The following SAMD3 variants were observed in gnomAD, a reference collection of about 807,000 sequenced individuals.
SAMD3 encodes the protein sterile alpha motif domain-containing protein 3.
In SAMD3, 63 loss-of-function variants were observed where a neutral mutation model predicts 58.5. That is an observed-to-expected ratio of 1.08 (90% CI 0.88 to 1.33). The LOEUF is 1.33. SAMD3 is among the 40% of genes most tolerant of loss of function. The pLI is 0.00. For missense variants in SAMD3, 604 were observed against 608.4 expected, an observed-to-expected ratio of 0.99 and a Z score of 0.08; for synonymous variants, 220 against 210.3, an observed-to-expected ratio of 1.05 and a Z score of -0.40.
upstream of SAMD3, among the ~76,000 whole-genome samples, chr6:130,225,953 G>A (rs1458624645): frequency 7.2e-5 from 11 of 152,188 alleles, no homozygotes; most frequent in Non-Finnish European, 2.9e-5. Flanking sequence ...ATTGTCTTCT[G>A]ATCACATCAC....
chr6:130,148,827 C>A (rs1788871131), intron 9 of SAMD3, among the ~76,000 whole-genome samples: 1 of 146,526 alleles, frequency 6.8e-6, no homozygotes, highest in Non-Finnish European at 1.5e-5. Context: ...GAGCCATGAT[C>A]ATGACACTCC....
intron 1 of SAMD3, among the ~76,000 whole-genome samples, chr6:130,354,047 A>G (rs1355932907): frequency 6.6e-6 from 1 of 152,254 alleles, no homozygotes; most frequent in African/African-American, 2.4e-5. Flanking sequence ...GAAGACATAC[A>G]TGCAGCCAAC....
At chr6:130,201,194 A>C (rs746156250) in intron 5 of SAMD3, among the ~76,000 whole-genome samples, 29 of 152,116 alleles carry the variant, frequency 1.9e-4, no homozygotes, top group Non-Finnish European at 3.2e-4. Flanking sequence ...TCTCCAATCC[A>C]TTCTCTACAT....
chr6:130,159,990 G>A (rs1409631037), intron 8 of SAMD3: 2 of 152,126 alleles, frequency 1.3e-5, no homozygotes, highest in South Asian at 2.1e-4. Flanking sequence ...ATGGGGGTGG[G>A]GTGAGTGGAA....
At chr6:130,328,018 G>T (rs1393185992) in intron 1 of SAMD3, among the ~76,000 whole-genome samples, 1 of 152,166 alleles carries the variant, frequency 6.6e-6, no homozygotes, top group African/African-American at 2.4e-5. Context: ...TAACTCTCTA[G>T]ATATGGTCCA....
intron 1 of SAMD3, among the ~76,000 whole-genome samples, chr6:130,362,228 A>AC (rs1778009340): frequency 6.6e-6 from 1 of 152,252 alleles, no homozygotes; most frequent in Non-Finnish European, 1.5e-5. Flanking sequence ...TCACTTGAGT[A>AC]TGTTGCTGAG....
At chr6:130,342,849 A>G (rs1777315060) in intron 1 of SAMD3, among the ~76,000 whole-genome samples, 1 of 152,156 alleles carries the variant, frequency 6.6e-6, no homozygotes, top group Non-Finnish European at 1.5e-5. Flanking sequence ...TTATCTACAG[A>G]GTGTTAAAGG....
chr6:130,296,057 C>T lies in SAMD3; in HGVS notation c.-188+16921G>A, dbSNP rs12209437. ...CTTCCTCTTCATTTCCTGAGGCCTC[C>T]TCAATTCTTGATGCAAATCAGTATC... On this transcript the variant is annotated intron_variant, in intron 2 of 13. Coordinates refer to the SAMD3 transcript ENST00000368134. Among the ~76,000 whole-genome samples, 1,097 of 152,292 alleles carry T rather than the reference C, an allele frequency of 7.2e-3. 13 individuals carry two copies. The highest frequency in any genetic ancestry group is 0.011 in the Non-Finnish European group (717 of 68,022).
At chr6:130,221,020 AT>A (rs746725293) in intron 1 of SAMD3, among the ~76,000 whole-genome samples, 155 of 151,682 alleles carry the variant, frequency 1.0e-3, no homozygotes, top group Non-Finnish European at 2.0e-3. Flanking sequence ...CGCCCAGCTA[AT>A]TTTTTTGTGT....
chr6:130,310,215 C>T lies in SAMD3; in HGVS notation c.-188+2763G>A, dbSNP rs550491855. On this transcript the variant is annotated intron_variant, in intron 2 of 13. Transcript: ENST00000368134. ...TTCAAAGAATGCAAAATATCATCAC[C>T]GTAATTGCTTCTGTATCTTTATGAA... 2.6e-5 allele frequency among the ~76,000 whole-genome samples: 4 copies of T among 152,242 alleles called. No homozygotes were observed. In the South Asian group the frequency reaches 8.3e-4, roughly 32 times the overall value.
At chr6:130,365,604 G>A (rs895616185), upstream of SAMD3, 32 of 985,352 alleles carry the variant, frequency 3.2e-5, no homozygotes, top group Non-Finnish European at 1.3e-5. Flanking sequence ...AGAACTGGGG[G>A]AGCCGGGTCC....
At chr6:130,345,462 T>C (rs996355586) in intron 1 of SAMD3, among the ~76,000 whole-genome samples, 1 of 152,096 alleles carries the variant, frequency 6.6e-6, no homozygotes, top group South Asian at 2.1e-4. Context: ...AGAAGCTGTG[T>C]TAATCTAGAT....
intron 2 of SAMD3, among the ~76,000 whole-genome samples, chr6:130,274,477 G>A (rs1017205592): frequency 3.3e-5 from 5 of 152,106 alleles, no homozygotes; most frequent in East Asian, 3.8e-4. Context: ...GTGAGTCTGG[G>A]GTATACAGCT....
Position 130,194,992 on chromosome 6 carries a change from G to A in SAMD3, c.384-10369C>T, listed in dbSNP as rs547325467. ...CTCCATAACTGTTGTGGGTATTGGC[G>A]GCCAGGCTTCTAAACCTCTTAAAAC... On this transcript the variant is annotated intron_variant, in intron 5 of 11. Coordinates refer to ENST00000439090, the MANE Select transcript of SAMD3 (RefSeq NM_001017373.4). Among the ~76,000 whole-genome samples, 462 of 152,144 alleles carry A rather than the reference G, an allele frequency of 3.0e-3. 4 individuals are homozygous for A. The highest frequency in any genetic ancestry group is 8.6e-3 in the African/African-American group (356 of 41,510).
At chr6:130,312,173 T>C (rs1776195936) in intron 2 of SAMD3, among the ~76,000 whole-genome samples, 1 of 152,174 alleles carries the variant, frequency 6.6e-6, no homozygotes. Flanking sequence ...GAAGTGTTGA[T>C]TGATGTATTG....
intron 5 of SAMD3, among the ~76,000 whole-genome samples, chr6:130,195,321 A>G (rs972235714): frequency 6.6e-6 from 1 of 152,100 alleles, no homozygotes; most frequent in Non-Finnish European, 1.5e-5. Flanking sequence ...GCCCTGCTCA[A>G]TGCCAAGATC....
chr6:130,215,404 G>A (rs1030236079), intron 2 of SAMD3, 110 bp from the exon 3 acceptor site: 1 of 1,221,416 alleles, frequency 8.2e-7, no homozygotes, highest in Non-Finnish European at 1.1e-6. Flanking sequence ...TCTTCTCAAT[G>A]TTAAGCTTTT....
intron 5 of SAMD3, among the ~76,000 whole-genome samples, chr6:130,197,268 A>G (rs908664211): frequency 1.3e-5 from 2 of 152,100 alleles, no homozygotes; most frequent in Non-Finnish European, 1.5e-5. Context: ...CATCCCTACT[A>G]TCTTCTGTCT....
intron 5 of SAMD3, 84 bp downstream of exon 5, chr6:130,209,411 C>T: frequency 1.5e-6 from 1 of 669,494 alleles, no homozygotes; most frequent in Non-Finnish European, 2.5e-6. Flanking sequence ...ATTAGAAATA[C>T]ATCTAAACAT....
Sources: allele counts gnomAD v4.1 joint callset (sites outside exome capture counted in the v4.1 genomes callset), GRCh38; gene constraint gnomAD v4.1.1; transcripts MANE v1.5; gene names NCBI Gene and HGNC (gene_info 2026-07-23, HGNC 2026-07-21).